The following CENPW variants were observed in gnomAD, a reference collection of about 807,000 sequenced individuals.
CENPW encodes centromere protein W.
In CENPW, 3 loss-of-function variants were observed where a neutral mutation model predicts 11.1. The ratio of observed to expected loss-of-function variants is 0.27; its 90% CI spans 0.12 to 0.70. The LOEUF is 0.70. Among genes scored for constraint, CENPW ranks in the 30% least tolerant of loss-of-function variants. The pLI is 0.77. For synonymous variants in CENPW, 38 were observed against 42.0 expected (o/e 0.91, Z 0.37); for missense variants, 100 against 105.6 (o/e 0.95, Z 0.23).
Position 126,340,310 on chromosome 6 carries a change from A to G in CENPW, c.37A>G (p.Ile13Val). ...GACCATAGTCTCCCAGAGGAAGCAG[A>G]TAAAGCGGAAGGCTCCCCGTGGCTT... ...LSTIVSQRKQ[I>V]KRKAPRGFLK... is the part of the protein sequence containing the mutation. The change falls in exon 1 of 3, where the codon ATA becomes GTA. Residue 13 changes from isoleucine (I) to valine (V), a missense_variant. Physicochemically the swap from Ile to Val is conservative, Grantham distance 29 (BLOSUM62 3). Coordinates refer to ENST00000368328, the MANE Select transcript of CENPW (RefSeq NM_001012507.4). 1.9e-6 allele frequency: 3 copies of G among 1,614,046 alleles called. No homozygotes were observed. The highest frequency in any genetic ancestry group is 2.5e-6 in the Non-Finnish European group (3 of 1,180,022).
At chr6:126,442,424 A>G in the CENPW span, among the ~76,000 whole-genome samples, 1 of 151,580 alleles carries the variant, frequency 6.6e-6, no homozygotes, top group African/African-American at 2.4e-5. Flanking sequence ...AGCAGAATAA[A>G]CAGACAACTC....
chr6:126,470,826 T>G, the CENPW span, among the ~76,000 whole-genome samples: 1 of 152,238 alleles, frequency 6.6e-6, no homozygotes, highest in Admixed American at 6.5e-5. Context: ...TCACTGAATT[T>G]TGGACTTGCA....
At chr6:126,372,261 A>G in the CENPW span, among the ~76,000 whole-genome samples, 35 of 152,180 alleles carry the variant, frequency 2.3e-4, no homozygotes, top group Non-Finnish European at 4.7e-4. Flanking sequence ...CCAGCAAGAA[A>G]ATGTAGAAAA....
At chr6:126,380,958 T>C in the CENPW span, among the ~76,000 whole-genome samples, 1 of 152,164 alleles carries the variant, frequency 6.6e-6, no homozygotes, top group South Asian at 2.1e-4. Context: ...TTAAATCCAG[T>C]TTTAGCAAAG....
At chr6:126,357,113 T>C in the CENPW span, among the ~76,000 whole-genome samples, 1,127 of 152,320 alleles carry the variant, frequency 7.4e-3, 11 homozygotes, top group African/African-American at 0.026. Flanking sequence ...GCTTAATTTT[T>C]TATATGGCGT....
the CENPW span, among the ~76,000 whole-genome samples, chr6:126,393,825 A>G: frequency 6.6e-6 from 1 of 150,998 alleles, no homozygotes; most frequent in African/African-American, 2.4e-5. Flanking sequence ...CATGTGCATC[A>G]TGTATTTACA....
chr6:126,372,636 A>T, the CENPW span, among the ~76,000 whole-genome samples: 1 of 152,198 alleles, frequency 6.6e-6, no homozygotes, highest in African/African-American at 2.4e-5. Flanking sequence ...CCATGAGATC[A>T]TGAAATTGCT....
chr6:126,369,792 A>G, the CENPW span, among the ~76,000 whole-genome samples: 2 of 152,146 alleles, frequency 1.3e-5, no homozygotes, highest in African/African-American at 2.4e-5. Flanking sequence ...AGTCCTATCT[A>G]TTTATCTTTG....
At chr6:126,379,990 T>A in the CENPW span, among the ~76,000 whole-genome samples, 3 of 152,178 alleles carry the variant, frequency 2.0e-5, no homozygotes, top group African/African-American at 2.4e-5. Context: ...TGGCAGCTGA[T>A]AAATTGAATC....
chr6:126,465,967 C>CCT, the CENPW span, among the ~76,000 whole-genome samples: 7 of 152,000 alleles, frequency 4.6e-5, no homozygotes, highest in Admixed American at 1.3e-4. Flanking sequence ...ACCTAAAACA[C>CCT]AAAGCTACAG....
chr6:126,378,749 A>G, the CENPW span, among the ~76,000 whole-genome samples: 4 of 152,220 alleles, frequency 2.6e-5, no homozygotes, highest in Non-Finnish European at 5.9e-5. Flanking sequence ...GCAGAATGTC[A>G]GACATGTTTA....
chr6:126,468,609 T>G, the CENPW span, among the ~76,000 whole-genome samples: 7 of 151,926 alleles, frequency 4.6e-5, no homozygotes, highest in Admixed American at 1.3e-4. Flanking sequence ...ACCAAACTAA[T>G]GTAAAGATAT....
the CENPW span, among the ~76,000 whole-genome samples, chr6:126,385,880 C>T: frequency 1.8e-4 from 28 of 152,046 alleles, no homozygotes; most frequent in Non-Finnish European, 3.7e-4. Context: ...GAGTCTTGAG[C>T]AGTTCTTTAT....
chr6:126,387,738 A>T, the CENPW span, among the ~76,000 whole-genome samples: 1 of 151,982 alleles, frequency 6.6e-6, no homozygotes, highest in East Asian at 1.9e-4. Context: ...TAACAGGTAC[A>T]CTTGTCAAAA....
the CENPW span, among the ~76,000 whole-genome samples, chr6:126,476,186 A>T: frequency 1.3e-5 from 2 of 151,812 alleles, no homozygotes; most frequent in Non-Finnish European, 2.9e-5. Context: ...GGACAGTTGG[A>T]TATTAGCTAG....
At chr6:126,452,289 T>C in the CENPW span, among the ~76,000 whole-genome samples, 1 of 151,066 alleles carries the variant, frequency 6.6e-6, no homozygotes, top group East Asian at 1.9e-4. Context: ...AGAACTGAGA[T>C]TCCAGAACAA....
chr6:126,443,353 T>C, the CENPW span, among the ~76,000 whole-genome samples: 1 of 151,270 alleles, frequency 6.6e-6, no homozygotes, highest in Non-Finnish European at 1.5e-5. Flanking sequence ...GCTCACTGCA[T>C]TCCTGTAGAG....
At chr6:126,392,744 G>A in the CENPW span, among the ~76,000 whole-genome samples, 1 of 151,860 alleles carries the variant, frequency 6.6e-6, no homozygotes, top group African/African-American at 2.4e-5. Context: ...AGGGATATTA[G>A]CTTCTAGTAT....
At chr6:126,405,174 G>T in the CENPW span, among the ~76,000 whole-genome samples, 22 of 152,090 alleles carry the variant, frequency 1.4e-4, no homozygotes, top group African/African-American at 4.3e-4. Context: ...GTTGAGTTTT[G>T]TATATTGTGA....
Sources: allele counts gnomAD v4.1 joint callset (sites outside exome capture counted in the v4.1 genomes callset), GRCh38; gene constraint gnomAD v4.1.1; transcripts MANE v1.5; gene names NCBI Gene and HGNC (gene_info 2026-07-23, HGNC 2026-07-21).